Variants in AIF1L observed in about 807,000 individuals in gnomAD.
The protein encoded by AIF1L is allograft inflammatory factor 1-like.
A neutral mutation model predicts 20.7 loss-of-function variants in AIF1L; 12 were observed. The observed-to-expected ratio is 0.58, with a 90% CI of 0.37 to 0.94. The LOEUF is 0.94. Among genes scored for constraint, AIF1L ranks in the 40% least tolerant of loss-of-function variants. AIF1L has a pLI of 0.01. For missense variants in AIF1L, 173 were observed against 185.3 expected, an observed-to-expected ratio of 0.93 and a Z score of 0.39; for synonymous variants, 76 against 65.1, an observed-to-expected ratio of 1.17 and a Z score of -0.81.
intron 2 of AIF1L, chr9:131,106,262 T>G (rs753869129): frequency 6.5e-7 from 1 of 1,528,432 alleles, no homozygotes; most frequent in South Asian, 1.2e-5. Context: ...CTCTGCTGTT[T>G]CAGGCAAGTT....
rs1161199479 is a variant in AIF1L, at chr9:131,121,859, T to C, written c.*1537T>C. ...CAGGAAGATGTCAAAGTCAGCCCCA[T>C]CTTGGCTGATCAGGGTGTTCAGCCT... On this transcript the variant is annotated 3_prime_UTR_variant, in exon 6 of 6. Transcript: ENST00000247291. 1.3e-5 allele frequency: 2 copies of C among 152,308 alleles called. No homozygotes were observed. The highest frequency in any genetic ancestry group is 1.9e-4 in the East Asian group (1 of 5,198). 9.4% of individuals were successfully genotyped at this position (152,308 alleles called of 1,614,324 possible).
At chr9:131,107,087 G>A (rs537613866) in intron 2 of AIF1L, among the ~76,000 whole-genome samples, 50 of 152,142 alleles carry the variant, frequency 3.3e-4, no homozygotes, top group South Asian at 2.3e-3. Context: ...GTGAGACTCC[G>A]TCCCAAAAAA....
At chr9:131,112,600 G>A (rs117428000) in intron 3 of AIF1L, 3,918 of 152,386 alleles carry the variant, frequency 0.026, 83 homozygotes, top group South Asian at 0.06. Flanking sequence ...GGAGAAACTC[G>A]GGCTTGGAGG....
intron 2 of AIF1L, among the ~76,000 whole-genome samples, chr9:131,103,183 A>C (rs1830675888): frequency 6.6e-6 from 1 of 152,202 alleles, no homozygotes; most frequent in Admixed American, 6.5e-5. Flanking sequence ...GTAGGTGACC[A>C]GGAAAGGCGG....
At position 131,096,542 on chromosome 9, in the gene AIF1L, G is replaced by T. The variant is rs952988077; in HGVS notation, c.-88G>T. 6.9e-6 allele frequency: 10 copies of T among 1,442,812 alleles called. No homozygotes were observed. In the African/African-American group the frequency reaches 1.2e-4, roughly 17 times the overall value. The allele number at this position is 1,442,812 out of a possible 1,614,324, so 89.4% of individuals were successfully genotyped here. On this transcript the variant is annotated 5_prime_UTR_variant, in exon 1 of 6. Coordinates refer to ENST00000247291, the MANE Select transcript of AIF1L (RefSeq NM_031426.4). Reference sequence around the variant, plus strand: ...TCGGTCCCGCGGCCACACGCAGCTAGCCGGAGCCCGGACCAGGCGCCTGTG... The same window carrying T: ...TCGGTCCCGCGGCCACACGCAGCTATCCGGAGCCCGGACCAGGCGCCTGTG...
intron 2 of AIF1L, among the ~76,000 whole-genome samples, chr9:131,104,373 A>G (rs1830700037): frequency 6.6e-6 from 1 of 152,226 alleles, no homozygotes; most frequent in Admixed American, 6.5e-5. Flanking sequence ...GGAGGGCTAT[A>G]AAGTGGTTCC....
intron 3 of AIF1L, among the ~76,000 whole-genome samples, chr9:131,112,860 TGGCTCTGGGAGGAGGCACGGGTCTCAG>T (rs1435532983): frequency 1.3e-5 from 2 of 152,020 alleles, no homozygotes; most frequent in Admixed American, 1.3e-4. Flanking sequence ...CTCCCAGGGG[TGGCTCTGGGAGGAGGCACGGGTCTCAG>T]GGCTCTGGCA....
intron 5 of AIF1L, among the ~76,000 whole-genome samples, chr9:131,119,644 G>A (rs1286069208): frequency 6.6e-6 from 1 of 152,186 alleles, no homozygotes; most frequent in Non-Finnish European, 1.5e-5. Flanking sequence ...AGGAGACTGA[G>A]TACCTGGCCC....
intron 3 of AIF1L, 142 bp from the exon 4 acceptor site, chr9:131,114,435 C>T (rs1303407116): frequency 2.1e-5 from 18 of 867,004 alleles, no homozygotes; most frequent in Non-Finnish European, 3.4e-5. Context: ...GGATGGGGGA[C>T]TCAGGTCAAG....
Position 131,121,347 on chromosome 9 carries a change from A to G in AIF1L, c.*1025A>G. ...GCTATTATAAGCTTTACATCCTCCC[A>G]TGTTGTCCTGGCATGTGCAGTATAC... On this transcript the variant is annotated 3_prime_UTR_variant, in exon 6 of 6. Coordinates refer to ENST00000247291, the MANE Select transcript of AIF1L (RefSeq NM_031426.4). The G allele has an allele frequency of 1.9e-6, 1 of 533,958 alleles. No homozygotes were observed. 33.1% of individuals were successfully genotyped at this position (533,958 alleles called of 1,614,324 possible). A position where few individuals can be genotyped will look rare whatever the true frequency, so the allele number is the denominator to read the frequency against.
At chr9:131,113,287 C>T (rs1490427518) in intron 3 of AIF1L, among the ~76,000 whole-genome samples, 3 of 151,674 alleles carry the variant, frequency 2.0e-5, no homozygotes, top group African/African-American at 7.3e-5. Context: ...CACCTGAGGT[C>T]GGGAGTCCAA....
At chr9:131,100,804 GC>G (rs1249254092) in intron 2 of AIF1L, among the ~76,000 whole-genome samples, 1 of 152,230 alleles carries the variant, frequency 6.6e-6, no homozygotes, top group Non-Finnish European at 1.5e-5. Context: ...TGGGGGCGCT[GC>G]CCCTCAGGGT....
chr9:131,099,650 G>A (rs1169360183), intron 2 of AIF1L, among the ~76,000 whole-genome samples: 6 of 151,998 alleles, frequency 3.9e-5, no homozygotes, highest in East Asian at 1.9e-4. Context: ...TCTCTGGGCC[G>A]ATACCTAGTT....
intron 5 of AIF1L, 129 bp downstream of exon 5, chr9:131,118,047 G>A: frequency 1.1e-6 from 1 of 946,742 alleles, no homozygotes. Context: ...GCTGGACAAG[G>A]TACTTACTTC....
chr9:131,107,486 C>G (rs1484023421), intron 2 of AIF1L, among the ~76,000 whole-genome samples: 2 of 152,238 alleles, frequency 1.3e-5, no homozygotes, highest in African/African-American at 2.4e-5. Context: ...CCAGAGGTTC[C>G]CAGATGTTGG....
In AIF1L at chr9:131,111,643, A is replaced by C; in HGVS notation, c.140A>C (p.Glu47Ala). 6.2e-7 allele frequency: 1 copy of C among 1,614,044 alleles called. No homozygotes were observed. The highest frequency in any genetic ancestry group is 8.5e-7 in the Non-Finnish European group (1 of 1,179,956). ...TACAGTGATGAAGAGAACCTTCCAG[A>C]AAAGCTCACAGCCTTCAAAGGTAAG... Reference protein sequence around the residue: ...QKYSDEENLPEKLTAFKEKYM... With the variant: ...QKYSDEENLPAKLTAFKEKYM... The change falls in exon 3 of 6, where the codon GAA (glutamate) becomes GCA (alanine). Residue 47 changes from glutamate to alanine, a missense_variant. Physicochemically the swap from Glu to Ala is moderately radical, Grantham distance 107 (BLOSUM62 -1). Coordinates refer to ENST00000247291, the MANE Select transcript of AIF1L (RefSeq NM_031426.4).
At chr9:131,099,652 T>C (rs1166311488) in intron 2 of AIF1L, among the ~76,000 whole-genome samples, 1 of 151,990 alleles carries the variant, frequency 6.6e-6, no homozygotes, top group Non-Finnish European at 1.5e-5. Flanking sequence ...TCTGGGCCGA[T>C]ACCTAGTTCC....
chr9:131,104,414 C>T (rs72768550), intron 2 of AIF1L, among the ~76,000 whole-genome samples: 7,543 of 152,230 alleles, frequency 0.05, 265 homozygotes, highest in Middle Eastern at 0.082. Context: ...CTGCAGCTGC[C>T]GAAGAGGAAA....
rs141595208 is a variant in AIF1L, at chr9:131,115,175, C to T, written c.202+557C>T. On this transcript the variant is annotated intron_variant, in intron 4 of 5. Coordinates refer to ENST00000247291, the MANE Select transcript of AIF1L (RefSeq NM_031426.4). ...ACTCAGAAAGGTGAAATGGGCCGGGCGCCATGGCTCAAGCCTGTAATCCCA... is the reference window on the plus strand; with the variant it reads ...ACTCAGAAAGGTGAAATGGGCCGGGTGCCATGGCTCAAGCCTGTAATCCCA... Among the ~76,000 whole-genome samples, 617 of 152,200 alleles carry T rather than the reference C, an allele frequency of 4.1e-3. 3 individuals carry two copies. Among genetic ancestry groups the T allele is most frequent in the Non-Finnish European group, 6.6e-3 (447 of 67,994 alleles).
Sources: gnomAD v4.1 joint callset for allele counts (sites outside exome capture counted in the v4.1 genomes callset) on GRCh38, gnomAD v4.1.1 for gene constraint, MANE v1.5 for transcripts, NCBI Gene and HGNC (gene_info 2026-07-23, HGNC 2026-07-21) for gene names.